BPHL: variants seen among roughly 807,000 people sequenced by gnomAD.
BPHL encodes the protein serine hydrolase BPHL.
Under a neutral mutation model 31.2 loss-of-function variants are expected in BPHL, and 27 were observed. The observed-to-expected ratio is 0.87, with a 90% CI of 0.64 to 1.19. The LOEUF is 1.19. Among genes scored for constraint, BPHL ranks in the 50% most tolerant of loss-of-function variants. The pLI is 0.00. For synonymous variants in BPHL, 150 were observed against 146.8 expected, an observed-to-expected ratio of 1.02 and a Z score of -0.16; for missense variants, 356 against 375.7, an observed-to-expected ratio of 0.95 and a Z score of 0.43.
At chr6:3,136,228 A>G (rs1762015684) in intron 4 of BPHL, among the ~76,000 whole-genome samples, 1 of 152,200 alleles carries the variant, frequency 6.6e-6, no homozygotes, top group Non-Finnish European at 1.5e-5. Context: ...TTTGCTAGCC[A>G]TCTTCACACT....
intron 6 of BPHL, among the ~76,000 whole-genome samples, chr6:3,148,511 G>A (rs34491859): frequency 6.6e-6 from 1 of 152,358 alleles, no homozygotes; most frequent in East Asian, 1.9e-4. Context: ...AGACGCTGCA[G>A]GCAGCCAGGG....
At chr6:3,135,123 C>T (rs1329415275) in intron 4 of BPHL, among the ~76,000 whole-genome samples, 3 of 152,220 alleles carry the variant, frequency 2.0e-5, no homozygotes, top group African/African-American at 7.2e-5. Flanking sequence ...TGTTTACTCA[C>T]CTGTTCTTTC....
At chr6:3,134,533 A>G (rs111374880) in intron 4 of BPHL, among the ~76,000 whole-genome samples, 1 of 145,406 alleles carries the variant, frequency 6.9e-6, no homozygotes, top group Non-Finnish European at 1.5e-5. Context: ...CTTGCTCAAC[A>G]TCAAACTATC....
chr6:3,124,430 T>C (rs1761660344), intron 2 of BPHL, among the ~76,000 whole-genome samples: 1 of 152,168 alleles, frequency 6.6e-6, no homozygotes, highest in Non-Finnish European at 1.5e-5. Context: ...TTTGATTTAG[T>C]TAAATAATCC....
intron 4 of BPHL, among the ~76,000 whole-genome samples, chr6:3,130,685 ACT>A (rs1385163730): frequency 6.6e-6 from 1 of 152,124 alleles, no homozygotes; most frequent in Non-Finnish European, 1.5e-5. Flanking sequence ...ATATTTATTT[ACT>A]CTCTGGCCCT....
intron 5 of BPHL, 72 bp downstream of exon 5, chr6:3,137,565 A>G: frequency 6.3e-7 from 1 of 1,586,694 alleles, no homozygotes; most frequent in Admixed American, 1.7e-5. Flanking sequence ...GTGTTCTGGA[A>G]TTGCTCAGTG....
chr6:3,148,533 G>C (rs892757563), intron 6 of BPHL, among the ~76,000 whole-genome samples: 1 of 152,226 alleles, frequency 6.6e-6, no homozygotes. Context: ...TGCAGCTTCC[G>C]TTCTGGACTG....
At chr6:3,139,183 T>C (rs73355584) in intron 5 of BPHL, 1 of 152,336 alleles carries the variant, frequency 6.6e-6, no homozygotes, top group African/African-American at 2.4e-5. Context: ...AAATGAGGTA[T>C]TATCTATTCA....
At chr6:3,132,800 T>C (rs1230257413) in intron 4 of BPHL, among the ~76,000 whole-genome samples, 1 of 152,112 alleles carries the variant, frequency 6.6e-6, no homozygotes, top group East Asian at 1.9e-4. Context: ...CACTGCACTG[T>C]AGCTTGGGTG....
In BPHL at chr6:3,129,100, C is replaced by T. The variant is rs762879230; in HGVS notation, c.434C>T (p.Ala145Val). The T allele has an allele frequency of 2.5e-6, 4 of 1,613,906 alleles. No homozygotes were observed. In the Admixed American group the frequency reaches 6.7e-5, roughly 27 times the overall value. ...LLGWSDGGITALIAAAKYPSY... is the reference protein window; with the variant it reads ...LLGWSDGGITVLIAAAKYPSY... Reference sequence around the variant, plus strand: ...GGGTGGAGTGATGGGGGCATAACCGCACTCATTGCTGCTGCAAAATATCCA... The same window carrying T: ...GGGTGGAGTGATGGGGGCATAACCGTACTCATTGCTGCTGCAAAATATCCA... The change falls in exon 4 of 7, where the codon GCA (alanine) becomes GTA (valine). Residue 145 changes from alanine (A) to valine (V), a missense_variant. Ala to Val is a moderately conservative substitution (Grantham distance 64, BLOSUM62 0). Coordinates refer to ENST00000380379, the MANE Select transcript of BPHL (RefSeq NM_004332.4).
At chr6:3,134,920 A>G (rs1031481776) in intron 4 of BPHL, among the ~76,000 whole-genome samples, 1 of 151,552 alleles carries the variant, frequency 6.6e-6, no homozygotes, top group Admixed American at 6.6e-5. Flanking sequence ...TATTTTTTGT[A>G]GAGACGGGGT....
chr6:3,150,941 A>C (rs1251216275), intron 6 of BPHL, among the ~76,000 whole-genome samples: 1 of 152,226 alleles, frequency 6.6e-6, no homozygotes, highest in Non-Finnish European at 1.5e-5. Flanking sequence ...TATTTTAATG[A>C]AGGGAACCTC....
rs1762504024 is a variant in BPHL at position 3,150,880 on chromosome 6, C to T, written c.789-1608C>T. ...TCATACTCTCTTCTATCTGTCTGTC[C>T]ATCTGTCTATTCATCCATTCATCCA... On this transcript the variant is annotated intron_variant, in intron 6 of 6. Coordinates refer to ENST00000380379, the MANE Select transcript of BPHL (RefSeq NM_004332.4). Among the ~76,000 whole-genome samples the T allele has an allele frequency of 2.0e-5, 3 of 152,206 alleles. No individual in the cohort carries two copies. In the South Asian group the frequency reaches 6.2e-4, roughly 32 times the overall value.
chr6:3,142,590 AATC>A (rs1367269711), intron 6 of BPHL, among the ~76,000 whole-genome samples: 1 of 152,222 alleles, frequency 6.6e-6, no homozygotes, highest in African/African-American at 2.4e-5. Flanking sequence ...ACAGATGAGA[AATC>A]ATGGCTGAGA....
At chr6:3,128,305 A>G (rs1448836412) in intron 3 of BPHL, among the ~76,000 whole-genome samples, 1 of 152,138 alleles carries the variant, frequency 6.6e-6, no homozygotes, top group African/African-American at 2.4e-5. Context: ...TTTCATACAC[A>G]TTTAGGAGAC....
At position 3,127,314 on chromosome 6, in the gene BPHL, A is replaced by T; in HGVS notation, c.284A>T (p.Asp95Val). Residue 95 changes from aspartate (D) to valine (V), a missense_variant, in exon 3 of 7, where the codon GAT (aspartate) becomes GTT (valine). Asp to Val is a radical substitution (Grantham distance 152). Coordinates refer to ENST00000380379, the MANE Select transcript of BPHL (RefSeq NM_004332.4). ...AAGCTCTTCACGGTGGTCGCCTGGGATCCTCGAGGCTATGGACATTCCAGG... is the reference window on the plus strand; with the variant it reads ...AAGCTCTTCACGGTGGTCGCCTGGGTTCCTCGAGGCTATGGACATTCCAGG... ...NKKLFTVVAW[D>V]PRGYGHSRPP... is the part of the protein sequence containing the mutation. 6.6e-7 allele frequency: 1 copy of T among 1,521,724 alleles called. No individual in the cohort carries two copies. 94.3% of individuals were successfully genotyped at this position (1,521,724 alleles called of 1,614,324 possible). A position where few individuals can be genotyped will look rare whatever the true frequency, so the allele number is the denominator to read the frequency against.
At chr6:3,118,607 G>A (rs548465655), upstream of BPHL, 1 of 593,110 alleles carries the variant, frequency 1.7e-6, no homozygotes, top group African/African-American at 1.9e-5. Context: ...TTCGGGGCGG[G>A]GCGGGCAGAG....
At position 3,140,360 on chromosome 6, in the gene BPHL, G is replaced by T; in HGVS notation, c.665-26G>T. 1 of 1,613,848 alleles carries T rather than the reference G, an allele frequency of 6.2e-7. No individual in the cohort carries two copies. The highest frequency in any genetic ancestry group is 8.5e-7 in the Non-Finnish European group (1 of 1,179,896). On this transcript the variant is annotated intron_variant, in intron 5 of 6. Coordinates refer to ENST00000380379, the MANE Select transcript of BPHL (RefSeq NM_004332.4). The surrounding 1 kb of genome is among the most constrained non-coding windows in gnomAD (Gnocchi z 5.2). ...CGCGTAGAATGGTTGCACTAAAGCA[G>T]ATTCCTCGTGCTGTGTATCCGTCAG...
At chr6:3,123,905 GA>G in intron 2 of BPHL, 145 bp downstream of exon 2, 1 of 671,266 alleles carries the variant, frequency 1.5e-6, no homozygotes, top group Non-Finnish European at 2.3e-6. Flanking sequence ...AAATGACTTA[GA>G]AAAGTAGGTA....
Sources: gnomAD v4.1 joint callset for allele counts (sites outside exome capture counted in the v4.1 genomes callset) on GRCh38, gnomAD v4.1.1 for gene constraint, Gnocchi (gnomAD v3.1) non-coding constraint, MANE v1.5 for transcripts, NCBI Gene and HGNC (gene_info 2026-07-23, HGNC 2026-07-21) for gene names.